The following TGFBR3 variants were observed in gnomAD, a reference collection of about 807,000 sequenced individuals.
TGFBR3 encodes transforming growth factor beta receptor 3.
Under a neutral mutation model 87.9 loss-of-function variants are expected in TGFBR3, and 46 were observed. That is an observed-to-expected ratio of 0.52 (90% CI 0.41 to 0.67). The LOEUF (loss-of-function observed/expected upper bound fraction) is 0.67. TGFBR3 is among the 30% of genes least tolerant of loss of function. The pLI is 0.00. For synonymous variants in TGFBR3, 381 were observed against 391.6 expected (o/e 0.97, Z 0.32); for missense variants, 866 against 1,041.9 (o/e 0.83, Z 2.32).
Position 91,758,663 on chromosome 1 carries a change from A to T in TGFBR3, c.334T>A (p.Trp112Arg). The T allele has an allele frequency of 1.2e-6, 2 of 1,614,030 alleles. No homozygotes were observed. The highest frequency in any genetic ancestry group is 1.7e-6 in the Non-Finnish European group (2 of 1,179,934). The part of the protein sequence containing the change: ...FLLNSPHPLV[W>R]HLKTERLATG... Reference sequence around the variant, plus strand: ...GCAAGTCTCTCTGTCTTCAGATGCCACACCAGGGGGTGTGGGGAGTTGAGC... The same window carrying T: ...GCAAGTCTCTCTGTCTTCAGATGCCTCACCAGGGGGTGTGGGGAGTTGAGC... The change falls in exon 4 of 17, where the codon TGG becomes AGG. Residue 112 changes from tryptophan (W) to arginine (R), a missense_variant. Physicochemically the swap from Trp to Arg is moderately radical, Grantham distance 101. Transcript: ENST00000212355.
chr1:91,697,290 T>C (rs1473255711), intron 15 of TGFBR3, among the ~76,000 whole-genome samples: 1 of 152,202 alleles, frequency 6.6e-6, no homozygotes, highest in Non-Finnish European at 1.5e-5. Context: ...ATAATCCACT[T>C]AAGACAATGG....
At chr1:91,875,721 C>G (rs12128175) in intron 1 of TGFBR3, among the ~76,000 whole-genome samples, 15 of 139,088 alleles carry the variant, frequency 1.1e-4, no homozygotes, top group Non-Finnish European at 2.0e-4. Flanking sequence ...AACCTTGTCT[C>G]TACTAAAAAT....
At chr1:91,779,413 G>C (rs1674686464) in intron 3 of TGFBR3, among the ~76,000 whole-genome samples, 1 of 152,226 alleles carries the variant, frequency 6.6e-6, no homozygotes, top group Non-Finnish European at 1.5e-5. Context: ...AAGCCCCACA[G>C]CTCATGAGCA....
intron 10 of TGFBR3, among the ~76,000 whole-genome samples, chr1:91,718,588 C>T (rs980017244): frequency 5.3e-5 from 8 of 152,024 alleles, no homozygotes; most frequent in African/African-American, 1.9e-4. Context: ...TGGAACTTCA[C>T]ATTTTAAATT....
intron 3 of TGFBR3, among the ~76,000 whole-genome samples, chr1:91,771,821 G>T (rs986068648): frequency 6.6e-5 from 10 of 151,810 alleles, no homozygotes; most frequent in African/African-American, 2.4e-4. Flanking sequence ...GTAATGAAAG[G>T]ACTTCAAATG....
intron 5 of TGFBR3, among the ~76,000 whole-genome samples, chr1:91,731,455 A>G (rs1557681647): frequency 6.6e-6 from 1 of 152,128 alleles, no homozygotes; most frequent in Non-Finnish European, 1.5e-5. Flanking sequence ...CCTCCCCCTC[A>G]GAGAGAAAAG....
intron 2 of TGFBR3, among the ~76,000 whole-genome samples, chr1:91,895,308 C>G (rs1679531506): frequency 6.6e-6 from 1 of 152,142 alleles, no homozygotes; most frequent in Non-Finnish European, 1.5e-5. Context: ...TCTCTCCCCT[C>G]ACTCTCTTGC....
intron 3 of TGFBR3, among the ~76,000 whole-genome samples, chr1:91,784,840 G>A (rs188260747): frequency 5.9e-5 from 9 of 152,278 alleles, no homozygotes; most frequent in East Asian, 3.9e-4. Context: ...AAATCCTTAC[G>A]TGGCCTTTCC....
At chr1:91,696,124 A>T (rs1042520144) in intron 15 of TGFBR3, among the ~76,000 whole-genome samples, 7 of 152,188 alleles carry the variant, frequency 4.6e-5, no homozygotes, top group African/African-American at 1.7e-4. Flanking sequence ...GAAAATTCAC[A>T]GGTTAAGATG....
chr1:91,719,355 C>T lies in TGFBR3; in HGVS notation c.1523G>A (p.Arg508Gln), dbSNP rs761048180. ...LESPLNGCGT[R>Q]PRWSALDGVV... ...ACCATCAAGGGCTGACCACCGGGGCCGAGTACCGCAGCCATTCAGAGGAGA... is the reference window on the plus strand; with the variant it reads ...ACCATCAAGGGCTGACCACCGGGGCTGAGTACCGCAGCCATTCAGAGGAGA... The change falls in exon 10 of 17, where the codon CGG (arginine) becomes CAG (glutamine). Residue 508 changes from arginine (R) to glutamine (Q), a missense_variant. Arg to Gln is a conservative substitution (Grantham distance 43). Coordinates refer to ENST00000212355, the MANE Select transcript of TGFBR3 (RefSeq NM_003243.5). The T allele has an allele frequency of 7.4e-6, 12 of 1,613,980 alleles. No individual in the cohort carries two copies. The East Asian group carries it at 1.8e-4, about 24-fold the overall frequency.
intron 2 of TGFBR3, chr1:91,829,769 T>C (rs1676785930): frequency 6.6e-6 from 1 of 152,182 alleles, no homozygotes; most frequent in South Asian, 2.1e-4. Context: ...TGTTTTGTTT[T>C]GTTTAGAGAC....
chr1:91,750,391 C>G (rs1321675673), intron 4 of TGFBR3, among the ~76,000 whole-genome samples: 1 of 152,152 alleles, frequency 6.6e-6, no homozygotes, highest in Non-Finnish European at 1.5e-5. Flanking sequence ...TTAGGAAGAG[C>G]TCAATGGCCA....
At chr1:91,849,909 C>T (rs569042774) in intron 2 of TGFBR3, among the ~76,000 whole-genome samples, 22 of 151,814 alleles carry the variant, frequency 1.4e-4, no homozygotes, top group African/African-American at 2.2e-4. Context: ...GGTGAAACCC[C>T]GTCTCTGCTA....
At chr1:91,725,505 G>A (rs2100797597) in intron 7 of TGFBR3, among the ~76,000 whole-genome samples, 1 of 152,324 alleles carries the variant, frequency 6.6e-6, no homozygotes, top group East Asian at 1.9e-4. Flanking sequence ...TGTTAGAGAA[G>A]GAGAACCTAA....
At chr1:91,840,815 C>T (rs1677246049) in intron 2 of TGFBR3, among the ~76,000 whole-genome samples, 2 of 147,040 alleles carry the variant, frequency 1.4e-5, no homozygotes, top group South Asian at 4.3e-4. Flanking sequence ...TGTTCATTTT[C>T]TTTTTTTTTT....
chr1:91,804,425 C>A (rs284161), intron 2 of TGFBR3, among the ~76,000 whole-genome samples: 18,080 of 152,144 alleles, frequency 0.12, 1,484 homozygotes, highest in East Asian at 0.47. Flanking sequence ...GGGTCAGGCC[C>A]TAGCCTTCCT....
chr1:91,778,344 T>C (rs576544170), intron 3 of TGFBR3, among the ~76,000 whole-genome samples: 35 of 152,176 alleles, frequency 2.3e-4, no homozygotes, highest in Non-Finnish European at 4.4e-4. Flanking sequence ...ATTTTCTCAA[T>C]GTCTTTATAT....
At chr1:91,719,503 C>A in intron 9 of TGFBR3, 39 bp from the exon 10 acceptor site, 1 of 1,612,912 alleles carries the variant, frequency 6.2e-7, no homozygotes, top group Non-Finnish European at 8.5e-7. Context: ...TGGAGGCCCA[C>A]AGGCAGTTCT....
At chr1:91,818,767 A>G (rs765767080) in intron 2 of TGFBR3, among the ~76,000 whole-genome samples, 5 of 152,206 alleles carry the variant, frequency 3.3e-5, no homozygotes, top group Non-Finnish European at 5.9e-5. Context: ...CCACACACTG[A>G]GCACACATGT....
Sources: gnomAD v4.1 joint callset for allele counts (sites outside exome capture counted in the v4.1 genomes callset) on GRCh38, gnomAD v4.1.1 for gene constraint, MANE v1.5 for transcripts, NCBI Gene and HGNC (gene_info 2026-07-23, HGNC 2026-07-21) for gene names.